Variants in PCDHGB3 observed in about 807,000 individuals in gnomAD.
The protein encoded by PCDHGB3 is protocadherin gamma-B3.
A neutral mutation model predicts 59.2 loss-of-function variants in PCDHGB3; 40 were observed. The observed-to-expected ratio is 0.68, with a 90% CI of 0.52 to 0.88. The LOEUF (loss-of-function observed/expected upper bound fraction) is 0.88, where lower values mean the gene tolerates loss of function less well. Among genes scored for constraint, PCDHGB3 ranks in the 40% least tolerant of loss-of-function variants. The pLI is 0.00. For missense variants in PCDHGB3, 1,309 were observed against 1,187.9 expected (o/e 1.10, Z -1.50); for synonymous variants, 581 against 503.6 (o/e 1.15, Z -2.06).
chr5:141,412,963 G>A (rs1387713187), intron 1 of PCDHGB3: 2 of 518,110 alleles, frequency 3.9e-6, no homozygotes, highest in South Asian at 3.3e-5. Context: ...TCACCTACTA[G>A]GAGAGAAAAC....
chr5:141,452,968 A>G (rs1028716079), intron 1 of PCDHGB3, among the ~76,000 whole-genome samples: 3 of 152,210 alleles, frequency 2.0e-5, no homozygotes, highest in Non-Finnish European at 4.4e-5. Flanking sequence ...AACTGAGGGT[A>G]TATTGTCAAA....
intron 1 of PCDHGB3, among the ~76,000 whole-genome samples, chr5:141,455,899 ATTT>A (rs1561962776): frequency 1.3e-5 from 2 of 148,258 alleles, no homozygotes; most frequent in Non-Finnish European, 3.0e-5. Flanking sequence ...TTATTTATTT[ATTT>A]ATTTATTTAT....
chr5:141,454,669 AC>A (rs1292139052), intron 1 of PCDHGB3, among the ~76,000 whole-genome samples: 1 of 151,212 alleles, frequency 6.6e-6, no homozygotes, highest in African/African-American at 2.4e-5. Context: ...GCCTCCCAAA[AC>A]ACTGGGATTA....
At chr5:141,450,679 G>A (rs2098690217) in intron 1 of PCDHGB3, among the ~76,000 whole-genome samples, 2 of 151,914 alleles carry the variant, frequency 1.3e-5, no homozygotes, top group Non-Finnish European at 2.9e-5. Context: ...TAGAAACGGG[G>A]TTTTGCCATG....
intron 1 of PCDHGB3, among the ~76,000 whole-genome samples, chr5:141,471,978 A>C (rs1246474598): frequency 1.3e-5 from 2 of 152,184 alleles, no homozygotes; most frequent in African/African-American, 4.8e-5. Flanking sequence ...TTACTGTATA[A>C]ATTTATTAAA....
At chr5:141,457,929 C>T (rs1207409757) in intron 1 of PCDHGB3, among the ~76,000 whole-genome samples, 2 of 152,194 alleles carry the variant, frequency 1.3e-5, no homozygotes, top group Non-Finnish European at 2.9e-5. Context: ...CCCCAAGGGG[C>T]TTTTATTGGC....
rs1311776295 is a variant in PCDHGB3, at chr5:141,487,582, C to G, written c.2416-7225C>G. 1.2e-6 allele frequency: 2 copies of G among 1,614,088 alleles called. No homozygotes were observed. The highest frequency in any genetic ancestry group is 2.7e-5 in the African/African-American group (2 of 74,934). ...TGGCAGGGGAGCCTGTTCGCCCAAG[C>G]TGCCCACCCTCTGATCTTCTCTATG... is the stretch of plus-strand genomic sequence containing the variant. On this transcript the variant is annotated intron_variant, in intron 1 of 3. Transcript: ENST00000576222. The surrounding 1 kb of genome is among the most constrained non-coding windows in gnomAD (Gnocchi z 5.0).
At chr5:141,390,732 G>T in intron 1 of PCDHGB3, 1 of 194,114 alleles carries the variant, frequency 5.2e-6, no homozygotes, top group Non-Finnish European at 1.1e-5. Context: ...TAACTGGTAT[G>T]GTCTCCATAG....
chr5:141,407,807 T>G (rs916388568), intron 1 of PCDHGB3, among the ~76,000 whole-genome samples: 1 of 152,202 alleles, frequency 6.6e-6, no homozygotes, highest in African/African-American at 2.4e-5. Context: ...CATAGAAATA[T>G]CTACTATAAT....
At chr5:141,383,729 TGA>T (rs1406908014) in intron 1 of PCDHGB3, 3 of 1,613,866 alleles carry the variant, frequency 1.9e-6, no homozygotes, top group Non-Finnish European at 2.5e-6. Flanking sequence ...AATGGGGAAG[TGA>T]CATATTCTTT....
At position 141,485,789 on chromosome 5, in the gene PCDHGB3, T is replaced by G. The variant is rs1276069810; in HGVS notation, c.2416-9018T>G. The G allele has an allele frequency of 1.2e-6, 2 of 1,613,978 alleles. No individual in the cohort carries two copies. The highest frequency in any genetic ancestry group is 1.7e-6 in the Non-Finnish European group (2 of 1,180,030). On this transcript the variant is annotated intron_variant, in intron 1 of 3. Coordinates refer to ENST00000576222, the MANE Select transcript of PCDHGB3 (RefSeq NM_018924.5). This position sits in a 1 kb window ranked among gnomAD's most constrained non-coding sequence, Gnocchi z 5.7. ...GAAGCCTTTGGATCGAGAGAAGCAATCGGACTACCGCCTGGTGCTGACTGC... is the reference window on the plus strand; with the variant it reads ...GAAGCCTTTGGATCGAGAGAAGCAAGCGGACTACCGCCTGGTGCTGACTGC...
At chr5:141,484,968 C>A (rs2099604490) in intron 1 of PCDHGB3, 2 of 585,734 alleles carry the variant, frequency 3.4e-6, no homozygotes, top group African/African-American at 3.7e-5. Context: ...GCCCGGGAGC[C>A]GCTGTCTGCC....
chr5:141,503,773 C>A (rs961986223), intron 2 of PCDHGB3, among the ~76,000 whole-genome samples: 1 of 152,204 alleles, frequency 6.6e-6, no homozygotes. Context: ...TGTGTCTGTT[C>A]TTAGGCTGAG....
At position 141,370,896 on chromosome 5, in the gene PCDHGB3, C is replaced by G; in HGVS notation, c.502C>G (p.Gln168Glu). ...TCCTGATGTAGGTGTCAATTCGCTG[C>G]AGCAGTACTACCTCAGCCCTGATCC... ...QDPDVGVNSL[Q>E]QYYLSPDPHF... The change falls in exon 1 of 4, where the codon CAG (glutamine) becomes GAG (glutamate). Residue 168 changes from glutamine to glutamate, a missense_variant. Transcript: ENST00000576222. The G allele has an allele frequency of 6.2e-7, 1 of 1,614,040 alleles. No homozygotes were observed. The highest frequency in any genetic ancestry group is 8.5e-7 in the Non-Finnish European group (1 of 1,179,902).
In PCDHGB3 at chr5:141,438,327, A is replaced by G. The variant is rs369043587; in HGVS notation, c.2416-56480A>G. 1.5e-4 allele frequency among the ~76,000 whole-genome samples: 23 copies of G among 152,106 alleles called. No homozygotes were observed. The East Asian group carries it at 4.1e-3, about 27-fold the overall frequency. ...TTGGTACCACCATAATTTTTCTTAT[A>G]CATGTCATATAAGGATCTACTCTGT... On this transcript the variant is annotated intron_variant, in intron 1 of 3. Transcript: ENST00000576222.
At position 141,485,848 on chromosome 5, in the gene PCDHGB3, C is replaced by G. The variant is rs1416763615; in HGVS notation, c.2416-8959C>G. 1.9e-6 allele frequency: 3 copies of G among 1,614,076 alleles called. No individual in the cohort carries two copies. The highest frequency in any genetic ancestry group is 1.1e-5 in the South Asian group (1 of 91,084). On this transcript the variant is annotated intron_variant, in intron 1 of 3. Coordinates refer to ENST00000576222, the MANE Select transcript of PCDHGB3 (RefSeq NM_018924.5). This position sits in a 1 kb window ranked among gnomAD's most constrained non-coding sequence, Gnocchi z 5.7. The stretch of plus-strand genomic sequence containing the variant: ...GAGGGAACCCGCCGAGATCTGGCAC[C>G]GCAGAGCTCCGGGTATCCGTGCTGG...
At chr5:141,381,826 CTTTTTTTTTT>C (rs770630741) in intron 1 of PCDHGB3, among the ~76,000 whole-genome samples, 5 of 74,284 alleles carry the variant, frequency 6.7e-5, no homozygotes, top group South Asian at 5.1e-4. Context: ...CTTTCTTCTT[CTTTTTTTTTT>C]TTTTTTTTTT....
chr5:141,418,902 T>A, intron 1 of PCDHGB3: 3 of 1,613,930 alleles, frequency 1.9e-6, no homozygotes, highest in Non-Finnish European at 2.5e-6. Context: ...CCAGAAATAA[T>A]CATCACGTCA....
chr5:141,431,093 G>A lies in PCDHGB3; in HGVS notation c.2415+58284G>A. 6.2e-7 allele frequency: 1 copy of A among 1,614,250 alleles called. No individual in the cohort carries two copies. The highest frequency in any genetic ancestry group is 8.5e-7 in the Non-Finnish European group (1 of 1,180,032). On this transcript the variant is annotated intron_variant, in intron 1 of 3. Transcript: ENST00000576222. The surrounding 1 kb of genome is among the most constrained non-coding windows in gnomAD (Gnocchi z 4.8). Reference sequence around the variant, plus strand: ...ATTAAATCTAGACATTCTGATGGAGGATAAAGTGAAAATATATGGAGTAGA... The same window carrying A: ...ATTAAATCTAGACATTCTGATGGAGAATAAAGTGAAAATATATGGAGTAGA...
Sources: allele counts gnomAD v4.1 joint callset (sites outside exome capture counted in the v4.1 genomes callset), GRCh38; gene constraint gnomAD v4.1.1; non-coding constraint Gnocchi (gnomAD v3.1); transcripts MANE v1.5; gene names NCBI Gene and HGNC (gene_info 2026-07-23, HGNC 2026-07-21).